FRK: variants seen among roughly 807,000 people sequenced by gnomAD.
FRK encodes the protein fyn related Src family tyrosine kinase.
FRK carries 51 observed loss-of-function variants against 56.4 expected under a neutral mutation model. The observed-to-expected ratio is 0.90, with a 90% CI of 0.72 to 1.14. The LOEUF is 1.14. FRK is among the 50% of genes most tolerant of loss of function. The pLI is 0.00. For missense variants in FRK, 570 were observed against 601.4 expected (o/e 0.95, Z 0.55); for synonymous variants, 245 against 217.9 (o/e 1.12, Z -1.10).
At chr6:116,018,237 G>T (rs1730391180) in intron 1 of FRK, among the ~76,000 whole-genome samples, 1 of 152,096 alleles carries the variant, frequency 6.6e-6, no homozygotes, top group South Asian at 2.1e-4. Context: ...TAGATTCTGG[G>T]TCTCCCTCTG....
chr6:116,013,916 C>T (rs1328116685), intron 1 of FRK, among the ~76,000 whole-genome samples: 2 of 152,108 alleles, frequency 1.3e-5, no homozygotes, highest in Non-Finnish European at 2.9e-5. Context: ...GAGGGAGCAT[C>T]TTTCTTCCCT....
intron 4 of FRK, among the ~76,000 whole-genome samples, chr6:115,958,868 A>G (rs1562257951): frequency 6.6e-6 from 1 of 151,906 alleles, no homozygotes; most frequent in African/African-American, 2.4e-5. Context: ...TTATATATAC[A>G]ATATATATTT....
At chr6:115,970,131 A>T (rs925676954) in intron 2 of FRK, among the ~76,000 whole-genome samples, 4 of 146,828 alleles carry the variant, frequency 2.7e-5, no homozygotes, top group African/African-American at 2.5e-5. Context: ...ATAGCTAGGA[A>T]TTTTTTTTTT....
At chr6:116,036,499 A>G (rs559658895) in intron 1 of FRK, among the ~76,000 whole-genome samples, 2 of 152,296 alleles carry the variant, frequency 1.3e-5, no homozygotes, top group African/African-American at 4.8e-5. Context: ...CATTTTTCTC[A>G]TAATACCCTC....
chr6:115,938,230 G>A lies in FRK; in HGVS notation c.*4184C>T, dbSNP rs1022088530. 2 of 152,134 alleles carry A rather than the reference G, an allele frequency of 1.3e-5. No individual in the cohort carries two copies. The highest frequency in any genetic ancestry group is 2.9e-5 in the Non-Finnish European group (2 of 68,034). The allele number at this position is 152,134 out of a possible 1,614,324, so 9.4% of individuals were successfully genotyped here. A position where few individuals can be genotyped will look rare whatever the true frequency, so the allele number is the denominator to read the frequency against. On this transcript the variant is annotated 3_prime_UTR_variant, in exon 8 of 8. Coordinates refer to ENST00000606080, the MANE Select transcript of FRK (RefSeq NM_002031.3). Reference sequence around the variant, plus strand: ...CAACCTGCTCCTGAATGACTACTGGGTAAATAATAAAATTAAGGTAGAAAT... The same window carrying A: ...CAACCTGCTCCTGAATGACTACTGGATAAATAATAAAATTAAGGTAGAAAT...
At chr6:116,000,857 G>A (rs947097671) in intron 2 of FRK, among the ~76,000 whole-genome samples, 6 of 152,132 alleles carry the variant, frequency 3.9e-5, no homozygotes, top group Non-Finnish European at 7.3e-5. Context: ...AATAAATGAT[G>A]ATATACCCAT....
Position 115,956,606 on chromosome 6 carries a change from T to C in FRK, c.804A>G (p.Ser268=). 1 of 1,550,170 alleles carries C rather than the reference T, an allele frequency of 6.5e-7. No homozygotes were observed. Among genetic ancestry groups the C allele is most frequent in the African/African-American group, 1.4e-5 (1 of 72,984 alleles). ...CCCTCAGGAAGTCATTTGGATCCAT[T>C]GAACCTGAAACAAGAAGAGGGAGAA... ...PVAVKTLKPG[S]MDPNDFLREA... Residue 268 remains serine (S), a synonymous_variant, in exon 5 of 8, where the codon TCA becomes TCG. Transcript: ENST00000606080.
chr6:115,944,567 A>G, intron 5 of FRK, 142 bp from the exon 6 acceptor site: 1 of 573,104 alleles, frequency 1.7e-6, no homozygotes, highest in Non-Finnish European at 3.0e-6. Flanking sequence ...ATATATATTT[A>G]TCATTAATAC....
At chr6:115,984,279 C>T (rs901067157) in intron 2 of FRK, among the ~76,000 whole-genome samples, 22 of 152,066 alleles carry the variant, frequency 1.4e-4, no homozygotes, top group Admixed American at 9.2e-4. Flanking sequence ...GTACTTAGCA[C>T]GAAATTTTCA....
rs1020159282 is a variant in FRK, at chr6:115,937,952, G to C, written c.*4462C>G. ...AAATTAACAAAGATATTCAGAACTT[G>C]AACTCAGCTCTGGACCAAGTGGACC... On this transcript the variant is annotated 3_prime_UTR_variant, in exon 8 of 8. Coordinates refer to ENST00000606080, the MANE Select transcript of FRK (RefSeq NM_002031.3). 4 of 152,174 alleles carry C rather than the reference G, an allele frequency of 2.6e-5. No homozygotes were observed. The highest frequency in any genetic ancestry group is 9.7e-5 in the African/African-American group (4 of 41,424). 9.4% of individuals were successfully genotyped at this position (152,174 alleles called of 1,614,324 possible). A position where few individuals can be genotyped will look rare whatever the true frequency, so the allele number is the denominator to read the frequency against.
chr6:115,944,274 T>G lies in FRK; in HGVS notation c.1110A>C (p.Val370=), dbSNP rs142846777. Reference sequence around the variant, plus strand: ...AAACTCTGGCAAGTCCAAAATCTGCTACTTTGTAGATATTATGTTCACCAA... The same window carrying G: ...AAACTCTGGCAAGTCCAAAATCTGCGACTTTGTAGATATTATGTTCACCAA... ...VLVGEHNIYK[V]ADFGLARVFK... The change falls in exon 6 of 8, where the codon GTA becomes GTC. Residue 370 remains valine (V), a synonymous_variant. Transcript: ENST00000606080. 1.2e-6 allele frequency: 2 copies of G among 1,609,252 alleles called. No homozygotes were observed. The highest frequency in any genetic ancestry group is 2.7e-5 in the African/African-American group (2 of 74,702).
the FRK span, among the ~76,000 whole-genome samples, chr6:116,084,232 ACAT>A: frequency 1.3e-5 from 2 of 152,354 alleles, no homozygotes; most frequent in Admixed American, 1.3e-4. Flanking sequence ...TCAAACTTAT[ACAT>A]CTGTTAACCA....
At chr6:116,064,044 C>A (rs1254338482), upstream of FRK, among the ~76,000 whole-genome samples, 1 of 152,214 alleles carries the variant, frequency 6.6e-6, no homozygotes, top group Non-Finnish European at 1.5e-5. Flanking sequence ...ACCTCCAACA[C>A]ATTTGGAATA....
At position 116,016,674 on chromosome 6, in the gene FRK, C is replaced by A. The variant is rs545875354; in HGVS notation, c.345-12676G>T. Reference sequence around the variant, plus strand: ...GCCCCCAGGGAGTCAAGGTGTGAGACCTGGTCTGCTACAGGTCAGAACAAG... The same window carrying A: ...GCCCCCAGGGAGTCAAGGTGTGAGAACTGGTCTGCTACAGGTCAGAACAAG... On this transcript the variant is annotated intron_variant, in intron 1 of 7. Coordinates refer to ENST00000606080, the MANE Select transcript of FRK (RefSeq NM_002031.3). Among the ~76,000 whole-genome samples, 13 of 152,150 alleles carry A rather than the reference C, an allele frequency of 8.5e-5. No individual in the cohort carries two copies. In the South Asian group the frequency reaches 2.7e-3, roughly 32 times the overall value.
intron 1 of FRK, among the ~76,000 whole-genome samples, chr6:116,004,552 C>A (rs1187523481): frequency 6.6e-6 from 1 of 152,098 alleles, no homozygotes; most frequent in East Asian, 1.9e-4. Flanking sequence ...TTTTGCATAT[C>A]TAGGAGGAAT....
At chr6:116,039,661 T>C (rs192616535) in intron 1 of FRK, among the ~76,000 whole-genome samples, 1 of 152,202 alleles carries the variant, frequency 6.6e-6, no homozygotes, top group Non-Finnish European at 1.5e-5. Context: ...CACCCTGTAA[T>C]GGTTGGGACC....
At chr6:116,013,908 G>A (rs1270844778) in intron 1 of FRK, among the ~76,000 whole-genome samples, 1 of 152,074 alleles carries the variant, frequency 6.6e-6, no homozygotes, top group Admixed American at 6.6e-5. Context: ...GTAAAAAAGA[G>A]GGAGCATCTT....
At chr6:116,027,786 T>G (rs1339554335) in intron 1 of FRK, among the ~76,000 whole-genome samples, 1 of 151,450 alleles carries the variant, frequency 6.6e-6, no homozygotes, top group Non-Finnish European at 1.5e-5. Flanking sequence ...AGAAAAATCA[T>G]TATAAAAGAC....
intron 1 of FRK, chr6:116,039,246 G>A (rs912232102): frequency 6.9e-5 from 103 of 1,490,360 alleles, no homozygotes; most frequent in Non-Finnish European, 9.3e-5. Context: ...TGGCCTGCGA[G>A]CCTGTGTGGG....
Sources: allele counts gnomAD v4.1 joint callset (sites outside exome capture counted in the v4.1 genomes callset), GRCh38; gene constraint gnomAD v4.1.1; transcripts MANE v1.5; gene names NCBI Gene and HGNC (gene_info 2026-07-23, HGNC 2026-07-21).